ARNT: variants seen among roughly 807,000 people sequenced by gnomAD.
The protein encoded by ARNT is aryl hydrocarbon receptor nuclear translocator, also known as class E basic helix-loop-helix protein 2.
In ARNT, 30 loss-of-function variants were observed where a neutral mutation model predicts 105.0. The ratio of observed to expected loss-of-function variants is 0.29; its 90% CI spans 0.21 to 0.39. The LOEUF (loss-of-function observed/expected upper bound fraction) is 0.39. ARNT is among the 10% of genes least tolerant of loss of function. The pLI, the probability that ARNT is intolerant of heterozygous loss-of-function variation, is 1.00. For synonymous variants in ARNT, 304 were observed against 344.0 expected (o/e 0.88, Z 1.29); for missense variants, 748 against 978.7 (o/e 0.76, Z 3.15).
rs587715765 is a variant in ARNT, at chr1:150,852,349, C to A, written c.182+413G>T. On this transcript the variant is annotated intron_variant, in intron 3 of 21. Transcript: ENST00000358595. ...ACATGAAAAAATTCAGTCTGGCCTC[C>A]TTGAGGATAAAAAAACACATAGACA... Among the ~76,000 whole-genome samples, 8 of 152,244 alleles carry A rather than the reference C, an allele frequency of 5.3e-5. No individual in the cohort carries two copies. The South Asian group carries it at 1.7e-3, about 32-fold the overall frequency.
chr1:150,840,343 G>A (rs373782271), intron 5 of ARNT, among the ~76,000 whole-genome samples: 1 of 152,126 alleles, frequency 6.6e-6, no homozygotes, highest in Non-Finnish European at 1.5e-5. Flanking sequence ...CCTCAGCTTG[G>A]TTAACTCCCA....
intron 10 of ARNT, 58 bp from the exon 11 acceptor site, chr1:150,830,038 A>C (rs587634911): frequency 1.3e-6 from 2 of 1,577,786 alleles, no homozygotes; most frequent in Non-Finnish European, 1.7e-6. Context: ...ATGCCTTCAA[A>C]ACTCAGACAA....
chr1:150,875,918 A>C (rs866690467), intron 1 of ARNT, among the ~76,000 whole-genome samples: 4 of 152,214 alleles, frequency 2.6e-5, no homozygotes, highest in African/African-American at 9.6e-5. Context: ...TGCCCTCAGC[A>C]GGCAAAGACC....
chr1:150,875,461 C>T (rs1441622879), intron 1 of ARNT, among the ~76,000 whole-genome samples: 3 of 152,094 alleles, frequency 2.0e-5, no homozygotes, highest in Non-Finnish European at 4.4e-5. Context: ...GGGGTAATCA[C>T]TCCTACTGTT....
chr1:150,834,457 C>T, intron 8 of ARNT, 81 bp downstream of exon 8: 2 of 1,374,692 alleles, frequency 1.5e-6, no homozygotes, highest in Non-Finnish European at 2.1e-6. Flanking sequence ...TGGAGCTAAT[C>T]CAACTTAACT....
chr1:150,863,050 CAA>C (rs143880940), intron 1 of ARNT, among the ~76,000 whole-genome samples: 20 of 59,692 alleles, frequency 3.4e-4, no homozygotes, highest in African/African-American at 2.7e-4. Context: ...GATTCCGTCT[CAA>C]AAAAAAAAAA....
intron 7 of ARNT, chr1:150,834,888 G>C (rs763997959): frequency 2.5e-6 from 1 of 403,588 alleles, no homozygotes; most frequent in South Asian, 2.6e-5. Flanking sequence ...AAGTAGGAGT[G>C]GAAAGTAGTA....
At chr1:150,856,640 G>A (rs1334453507) in intron 2 of ARNT, among the ~76,000 whole-genome samples, 1 of 151,970 alleles carries the variant, frequency 6.6e-6, no homozygotes, top group Admixed American at 6.6e-5. Context: ...GCGCACGCCT[G>A]TAGTCCCAGC....
At chr1:150,839,109 C>T (rs1313045205) in intron 6 of ARNT, among the ~76,000 whole-genome samples, 1 of 152,140 alleles carries the variant, frequency 6.6e-6, no homozygotes, top group African/African-American at 2.4e-5. Context: ...TAGATTTCTT[C>T]CATCTTCTAT....
At chr1:150,876,206 G>A (rs1338873552) in intron 1 of ARNT, among the ~76,000 whole-genome samples, 1 of 152,178 alleles carries the variant, frequency 6.6e-6, no homozygotes, top group African/African-American at 2.4e-5. Context: ...GGCTCCAGCG[G>A]GCAGAGGGTT....
chr1:150,838,244 CAA>C (rs1258047491), intron 6 of ARNT, among the ~76,000 whole-genome samples: 1 of 152,174 alleles, frequency 6.6e-6, no homozygotes, highest in Non-Finnish European at 1.5e-5. Flanking sequence ...GGTTTTTGCT[CAA>C]GTGCTTCCCA....
chr1:150,814,146 G>A lies in ARNT; in HGVS notation c.2044C>T (p.Pro682Ser), dbSNP rs112213997. The A allele has an allele frequency of 1.2e-6, 2 of 1,614,194 alleles. No individual in the cohort carries two copies. The highest frequency in any genetic ancestry group is 2.7e-5 in the African/African-American group (2 of 75,036). The change falls in exon 20 of 22, where the codon CCT becomes TCT. Residue 682 changes from proline to serine, a missense_variant. Physicochemically the swap from Pro to Ser is moderately conservative, Grantham distance 74. Transcript: ENST00000358595. ...CCAGGCGATGCAGTTGGGGCACCAG[G>A]GAGGGACATGGAGCTGAAGGAGGAT... ...TPSSFSSMSL[P>S]GAPTASPGAA...
At chr1:150,833,065 CATT>C (rs1221239228) in intron 8 of ARNT, among the ~76,000 whole-genome samples, 1 of 152,176 alleles carries the variant, frequency 6.6e-6, no homozygotes, top group Non-Finnish European at 1.5e-5. Context: ...TCAGTATTAA[CATT>C]ATCGCCAATG....
intron 8 of ARNT, among the ~76,000 whole-genome samples, chr1:150,833,548 T>G (rs1659716426): frequency 6.6e-6 from 1 of 152,124 alleles, no homozygotes. Context: ...ATGTTCAATT[T>G]TGTGCCTCTC....
chr1:150,822,886 C>A (rs886748044), intron 14 of ARNT, among the ~76,000 whole-genome samples: 2 of 152,174 alleles, frequency 1.3e-5, no homozygotes, highest in South Asian at 2.1e-4. Context: ...GGACACCCAG[C>A]TGGTGTCCAC....
At chr1:150,812,626 C>G (rs1654965665) in intron 21 of ARNT, 1 of 152,674 alleles carries the variant, frequency 6.5e-6, no homozygotes, top group Admixed American at 6.5e-5. Flanking sequence ...TGTGTGTCAT[C>G]CTTACGCAGG....
chr1:150,829,523 C>T (rs1658937068), intron 11 of ARNT: 1 of 597,352 alleles, frequency 1.7e-6, no homozygotes. Context: ...TGATATGGTA[C>T]AAGTAACCAA....
chr1:150,860,342 A>G (rs1665404708), intron 1 of ARNT, among the ~76,000 whole-genome samples: 1 of 149,166 alleles, frequency 6.7e-6, no homozygotes, highest in Non-Finnish European at 1.5e-5. Context: ...CAGCCTCCCA[A>G]ATAGCTGGGA....
Position 150,814,040 on chromosome 1 carries a change from C to A in ARNT, c.2113+37G>T, listed in dbSNP as rs774837278. 6.8e-6 allele frequency: 11 copies of A among 1,607,428 alleles called. No individual in the cohort carries two copies. The South Asian group carries it at 1.1e-4, about 16-fold the overall frequency. The stretch of plus-strand genomic sequence containing the variant: ...ACCAAATCCTTTCTCTTTAGTGGTG[C>A]GATTTTCCTGTTACTCTCCTTATGG... On this transcript the variant is annotated intron_variant, in intron 20 of 21. Transcript: ENST00000358595.
Sources: gnomAD v4.1 joint callset for allele counts (sites outside exome capture counted in the v4.1 genomes callset) on GRCh38, gnomAD v4.1.1 for gene constraint, MANE v1.5 for transcripts, NCBI Gene and HGNC (gene_info 2026-07-23, HGNC 2026-07-21) for gene names.